Variants in ZBTB3 observed in about 807,000 individuals in gnomAD.
The protein encoded by ZBTB3 is zinc finger and BTB domain containing 3, also known as zinc finger and BTB domain-containing protein 3.
ZBTB3 carries 15 observed loss-of-function variants against 30.6 expected under a neutral mutation model. That is an observed-to-expected ratio of 0.49 (90% confidence interval 0.33 to 0.75). The LOEUF is 0.75. Ranked by LOEUF, ZBTB3 falls within the 30% of genes least tolerant of loss-of-function variation. ZBTB3 has a pLI of 0.02. For synonymous variants in ZBTB3, 258 were observed against 261.7 expected (o/e 0.99, Z 0.14); for missense variants, 599 against 652.1 (o/e 0.92, Z 0.89).
Position 62,752,037 on chromosome 11 carries a change from C to G in ZBTB3, c.*53G>C. On this transcript the variant is annotated 3_prime_UTR_variant, in exon 2 of 2. Coordinates refer to ENST00000394807, the MANE Select transcript of ZBTB3 (RefSeq NM_001370809.1). Reference sequence around the variant, plus strand: ...GGGGTGATAAGGTGCCACCAACCTTCTGAGCTGCCATCTAAGGATGGTAAG... The same window carrying G: ...GGGGTGATAAGGTGCCACCAACCTTGTGAGCTGCCATCTAAGGATGGTAAG... The G allele has an allele frequency of 4.6e-6, 7 of 1,517,230 alleles. No homozygotes were observed. Among genetic ancestry groups the G allele is most frequent in the Non-Finnish European group, 6.2e-6 (7 of 1,130,844 alleles). 94.0% of individuals were successfully genotyped at this position (1,517,230 alleles called of 1,614,324 possible).
At position 62,754,018 on chromosome 11, in the gene ZBTB3, G is replaced by A. The variant is rs1408531826; in HGVS notation, c.-106C>T. ...GAGATCTTTTTCGCTCCCAGGCCTTGCCAGGCGATGCCTCTACGCCCCACT... is the reference window on the plus strand; with the variant it reads ...GAGATCTTTTTCGCTCCCAGGCCTTACCAGGCGATGCCTCTACGCCCCACT... On this transcript the variant is annotated 5_prime_UTR_variant, in exon 1 of 2. Coordinates refer to ENST00000394807, the MANE Select transcript of ZBTB3 (RefSeq NM_001370809.1). The A allele has an allele frequency of 6.2e-7, 1 of 1,613,868 alleles. No individual in the cohort carries two copies. The highest frequency in any genetic ancestry group is 1.1e-5 in the South Asian group (1 of 91,072).
chr11:62,752,679 GCT>G lies in ZBTB3; in HGVS notation c.984_985del (p.Arg328SerfsTer20), dbSNP rs1565178732. ...ATACACTGCTCCTCCAGATGGGAAA[GCT>G]CTCTCAGGACCCTGAGGCTGTTCAT... is the stretch of plus-strand genomic sequence containing the variant. On this transcript the variant is annotated frameshift_variant, in exon 2 of 2. Coordinates refer to ENST00000394807, the MANE Select transcript of ZBTB3 (RefSeq NM_001370809.1). LOFTEE classifies it high-confidence loss of function. 6.2e-7 allele frequency: 1 copy of G among 1,614,198 alleles called. No individual in the cohort carries two copies.
In ZBTB3 at chr11:62,752,569, G is replaced by T. The variant is rs2084023776; in HGVS notation, c.1096C>A (p.Pro366Thr). The change falls in exon 2 of 2, where the codon CCA (proline) becomes ACA (threonine). Residue 366 changes from proline to threonine, a missense_variant. Pro to Thr is a conservative substitution (Grantham distance 38). Transcript: ENST00000394807. ...TGGTAGGGTAGATGAGGGTCTGTTG[G>T]CAGGAAGTGGTCACTTGGCCCCACC... is the stretch of plus-strand genomic sequence containing the variant. Reference protein sequence around the residue: ...EEVGPSDHFLPTDPHLPYHLL... With the variant: ...EEVGPSDHFLTTDPHLPYHLL... 6 of 1,614,188 alleles carry T rather than the reference G, an allele frequency of 3.7e-6. No homozygotes were observed. The highest frequency in any genetic ancestry group is 5.1e-6 in the Non-Finnish European group (6 of 1,180,042).
Position 62,752,897 on chromosome 11 carries a change from C to T in ZBTB3, c.768G>A (p.Leu256=). The change falls in exon 2 of 2, where the codon CTG becomes CTA. Residue 256 remains leucine, a synonymous_variant. Coordinates refer to ENST00000394807, the MANE Select transcript of ZBTB3 (RefSeq NM_001370809.1). ...LPSLDVGPES[L]RVVEPKDPGG... ...CAGGATCCTTTGGTTCCACCACCCTCAGACTCTCAGGACCCACATCAAGAG... is the reference window on the plus strand; with the variant it reads ...CAGGATCCTTTGGTTCCACCACCCTTAGACTCTCAGGACCCACATCAAGAG... 6.2e-7 allele frequency: 1 copy of T among 1,614,122 alleles called. No individual in the cohort carries two copies. Among genetic ancestry groups the T allele is most frequent in the Non-Finnish European group, 8.5e-7 (1 of 1,180,018 alleles).
chr11:62,753,564 T>C lies in ZBTB3; in HGVS notation c.101A>G (p.Gln34Arg). ...CDCTVMVGST[Q>R]FLAHRAVLAS... is the part of the protein sequence containing the mutation. ...CAGCACAGCCCGATGGGCCAAGAAC[T>C]GGGTACTACCCACCATCACGGTGCA... Residue 34 changes from glutamine to arginine, a missense_variant, in exon 2 of 2, where the codon CAG (glutamine) becomes CGG (arginine). Gln to Arg is a conservative substitution (Grantham distance 43). Transcript: ENST00000394807. 6.2e-7 allele frequency: 1 copy of C among 1,614,118 alleles called. No homozygotes were observed. Among genetic ancestry groups the C allele is most frequent in the South Asian group, 1.1e-5 (1 of 91,080 alleles).
chr11:62,752,218 G>C lies in ZBTB3; in HGVS notation c.1447C>G (p.Pro483Ala). The C allele has an allele frequency of 6.2e-7, 1 of 1,614,210 alleles. No individual in the cohort carries two copies. The highest frequency in any genetic ancestry group is 8.5e-7 in the Non-Finnish European group (1 of 1,180,038). ...AGAAGGGGTCCCACTTCTGGATCTG[G>C]TTTGCTGCGTTTGGCCAGGTCCTCA... ...HNEDLAKRSK[P>A]DPEVGPLLGV... The change falls in exon 2 of 2, where the codon CCA becomes GCA. Residue 483 changes from proline to alanine, a missense_variant. Coordinates refer to ENST00000394807, the MANE Select transcript of ZBTB3 (RefSeq NM_001370809.1).
rs146723418 is a variant in ZBTB3, at chr11:62,752,836, C to T, written c.829G>A (p.Ala277Thr). Residue 277 changes from alanine (A) to threonine (T), a missense_variant, in exon 2 of 2, where the codon GCC becomes ACC. Ala to Thr is a moderately conservative substitution (Grantham distance 58). Coordinates refer to ENST00000394807, the MANE Select transcript of ZBTB3 (RefSeq NM_001370809.1). ...ACAGGGGCTGGGGCTGACGTTGGGG[C>T]TGAGGCTGGGGGATAGAAGCCTTGC... ...PLQGFYPPAS[A>T]PTSAPAPVSA... The T allele has an allele frequency of 3.9e-5, 63 of 1,614,078 alleles. No homozygotes were observed. In the African/African-American group the frequency reaches 6.9e-4, roughly 18 times the overall value.
rs2084006323 is a variant in ZBTB3 at position 62,751,158 on chromosome 11, T to C, written c.*932A>G. The stretch of plus-strand genomic sequence containing the variant: ...GCTCACGCCTTTAATCCCAGCACTT[T>C]TTAAGGCCAAGGTGGGCAGATCACC... On this transcript the variant is annotated 3_prime_UTR_variant, in exon 2 of 2. Coordinates refer to ENST00000394807, the MANE Select transcript of ZBTB3 (RefSeq NM_001370809.1). The C allele has an allele frequency of 6.6e-6, 1 of 152,236 alleles. No homozygotes were observed. The highest frequency in any genetic ancestry group is 2.4e-5 in the African/African-American group (1 of 41,394). The allele number at this position is 152,236 out of a possible 1,614,324, so 9.4% of individuals were successfully genotyped here.
At position 62,751,607 on chromosome 11, in the gene ZBTB3, GC is replaced by G. The variant is rs1297202940; in HGVS notation, c.*482del. ...GCTGAAATTGCGCCACTGCACTCCA[GC>G]CTCAGTGACAGAGCAAGACTCAAAA... On this transcript the variant is annotated 3_prime_UTR_variant, in exon 2 of 2. Coordinates refer to ENST00000394807, the MANE Select transcript of ZBTB3 (RefSeq NM_001370809.1). The G allele has an allele frequency of 2.8e-5, 4 of 144,532 alleles. No individual in the cohort carries two copies. The highest frequency in any genetic ancestry group is 6.0e-5 in the Non-Finnish European group (4 of 66,684). The allele number at this position is 144,532 out of a possible 1,614,324, so 9.0% of individuals were successfully genotyped here. A position where few individuals can be genotyped will look rare whatever the true frequency, so the allele number is the denominator to read the frequency against.
At position 62,752,878 on chromosome 11, in the gene ZBTB3, C is replaced by G. The variant is rs2084028522; in HGVS notation, c.787G>C (p.Asp263His). ...AAGCCTTGCAGTGGTCCTCCAGGAT[C>G]CTTTGGTTCCACCACCCTCAGACTC... Reference protein sequence around the residue: ...PESLRVVEPKDPGGPLQGFYP... With the variant: ...PESLRVVEPKHPGGPLQGFYP... Residue 263 changes from aspartate to histidine, a missense_variant, in exon 2 of 2, where the codon GAT becomes CAT. By Grantham distance (81) the Asp-to-His change is moderately conservative (BLOSUM62 -1). Coordinates refer to ENST00000394807, the MANE Select transcript of ZBTB3 (RefSeq NM_001370809.1). 2 of 1,614,106 alleles carry G rather than the reference C, an allele frequency of 1.2e-6. No individual in the cohort carries two copies. Among genetic ancestry groups the G allele is most frequent in the African/African-American group, 1.3e-5 (1 of 75,020 alleles).
Position 62,752,034 on chromosome 11 carries a change from C to A in ZBTB3, c.*56G>T. ...GCAGGGGTGATAAGGTGCCACCAACCTTCTGAGCTGCCATCTAAGGATGGT... is the reference window on the plus strand; with the variant it reads ...GCAGGGGTGATAAGGTGCCACCAACATTCTGAGCTGCCATCTAAGGATGGT... On this transcript the variant is annotated 3_prime_UTR_variant, in exon 2 of 2. Transcript: ENST00000394807. The A allele has an allele frequency of 6.6e-7, 1 of 1,513,532 alleles. No individual in the cohort carries two copies. The highest frequency in any genetic ancestry group is 1.3e-5 in the South Asian group (1 of 77,096). 93.8% of individuals were successfully genotyped at this position (1,513,532 alleles called of 1,614,324 possible). A position where few individuals can be genotyped will look rare whatever the true frequency, so the allele number is the denominator to read the frequency against.
rs1384709579 is a variant in ZBTB3, at chr11:62,751,366, G to C, written c.*724C>G. The C allele has an allele frequency of 6.6e-6, 1 of 152,020 alleles. No homozygotes were observed. Among genetic ancestry groups the C allele is most frequent in the African/African-American group, 2.4e-5 (1 of 41,350 alleles). 9.4% of individuals were successfully genotyped at this position (152,020 alleles called of 1,614,324 possible). A position where few individuals can be genotyped will look rare whatever the true frequency, so the allele number is the denominator to read the frequency against. On this transcript the variant is annotated 3_prime_UTR_variant, in exon 2 of 2. Coordinates refer to ENST00000394807, the MANE Select transcript of ZBTB3 (RefSeq NM_001370809.1). ...AGCCTGTAATCCCAGCACTTTGGGA[G>C]GCTGAGGCGGGTGGATCACGAGGTC...
chr11:62,753,998 C>G lies in ZBTB3; in HGVS notation c.-86G>C. On this transcript the variant is annotated 5_prime_UTR_variant, in exon 1 of 2. Coordinates refer to ENST00000394807, the MANE Select transcript of ZBTB3 (RefSeq NM_001370809.1). ...TCCAACGGCTCCACGAAGTAGAGATCTTTTTCGCTCCCAGGCCTTGCCAGG... is the reference window on the plus strand; with the variant it reads ...TCCAACGGCTCCACGAAGTAGAGATGTTTTTCGCTCCCAGGCCTTGCCAGG... The G allele has an allele frequency of 1.2e-6, 2 of 1,613,852 alleles. No individual in the cohort carries two copies. The highest frequency in any genetic ancestry group is 2.2e-5 in the South Asian group (2 of 91,058).
rs763373327 is a variant in ZBTB3, at chr11:62,753,604, C to G, written c.61G>C (p.Gly21Arg). Residue 21 changes from glycine to arginine, a missense_variant, in exon 2 of 2, where the codon GGT becomes CGT. Physicochemically the swap from Gly to Arg is moderately radical, Grantham distance 125. Transcript: ENST00000394807. The part of the protein sequence containing the change: ...LQSLREQRSQ[G>R]FLCDCTVMVG... The stretch of plus-strand genomic sequence containing the variant: ...ATCACGGTGCAGTCACAAAGGAAAC[C>G]CTGGGACCGCTGCTCCCGGAGGCTC... The G allele has an allele frequency of 1.9e-6, 3 of 1,613,956 alleles. No homozygotes were observed. The highest frequency in any genetic ancestry group is 1.7e-6 in the Non-Finnish European group (2 of 1,179,970).
rs976057937 is a variant in ZBTB3, at chr11:62,752,189, C to A, written c.1476G>T (p.Gly492=). ...TTGGGGAGCCAGGGAGAGGCTGCAC[C>A]CCTAGAAGGGGTCCCACTTCTGGAT... is the stretch of plus-strand genomic sequence containing the variant. ...KPDPEVGPLL[G]VQPLPGSPTA... The change falls in exon 2 of 2, where the codon GGG becomes GGT. Residue 492 remains glycine (G), a synonymous_variant. Transcript: ENST00000394807. 5 of 1,613,970 alleles carry A rather than the reference C, an allele frequency of 3.1e-6. No homozygotes were observed. The African/African-American group carries it at 5.3e-5, about 17-fold the overall frequency.
At position 62,752,033 on chromosome 11, in the gene ZBTB3, C is replaced by T. The variant is rs1051888072; in HGVS notation, c.*57G>A. On this transcript the variant is annotated 3_prime_UTR_variant, in exon 2 of 2. Transcript: ENST00000394807. Reference sequence around the variant, plus strand: ...AGCAGGGGTGATAAGGTGCCACCAACCTTCTGAGCTGCCATCTAAGGATGG... The same window carrying T: ...AGCAGGGGTGATAAGGTGCCACCAATCTTCTGAGCTGCCATCTAAGGATGG... 2 of 1,507,442 alleles carry T rather than the reference C, an allele frequency of 1.3e-6. No individual in the cohort carries two copies. Among genetic ancestry groups the T allele is most frequent in the African/African-American group, 2.8e-5 (2 of 71,790 alleles). 93.4% of individuals were successfully genotyped at this position (1,507,442 alleles called of 1,614,324 possible).
Position 62,752,939 on chromosome 11 carries a change from T to G in ZBTB3, c.726A>C (p.Ser242=). ...CATCAAGAGATGGCAGTGGCTCCAATGAAACTGCTGAGATGCCAGAAGAGA... is the reference window on the plus strand; with the variant it reads ...CATCAAGAGATGGCAGTGGCTCCAAGGAAACTGCTGAGATGCCAGAAGAGA... ...NYFSSGISAV[S]LEPLPSLDVG... is the part of the protein sequence containing the mutation. Residue 242 remains serine, a synonymous_variant, in exon 2 of 2, where the codon TCA becomes TCC. Coordinates refer to ENST00000394807, the MANE Select transcript of ZBTB3 (RefSeq NM_001370809.1). 1 of 1,614,060 alleles carries G rather than the reference T, an allele frequency of 6.2e-7. No individual in the cohort carries two copies. Among genetic ancestry groups the G allele is most frequent in the African/African-American group, 1.3e-5 (1 of 75,008 alleles).
Position 62,754,103 on chromosome 11 carries a change from G to T in ZBTB3, c.-191C>A, listed in dbSNP as rs758345300. On this transcript the variant is annotated 5_prime_UTR_variant, in exon 1 of 2. Transcript: ENST00000394807. The stretch of plus-strand genomic sequence containing the variant: ...CAGGGGCTAAGGACTACCAGGGTGG[G>T]AACTAGCGGAGAAAGCTGATACCTC... 18 of 1,598,934 alleles carry T rather than the reference G, an allele frequency of 1.1e-5. No homozygotes were observed. The highest frequency in any genetic ancestry group is 1.7e-5 in the Admixed American group (1 of 59,924).
chr11:62,752,014 G>T lies in ZBTB3; in HGVS notation c.*76C>A. 1 of 1,393,976 alleles carries T rather than the reference G, an allele frequency of 7.2e-7. No homozygotes were observed. Among genetic ancestry groups the T allele is most frequent in the Non-Finnish European group, 9.7e-7 (1 of 1,029,736 alleles). 86.4% of individuals were successfully genotyped at this position (1,393,976 alleles called of 1,614,324 possible). ...GCCTTTATTCTTGTCACCCAGCAGG[G>T]GTGATAAGGTGCCACCAACCTTCTG... is the stretch of plus-strand genomic sequence containing the variant. On this transcript the variant is annotated 3_prime_UTR_variant, in exon 2 of 2. Transcript: ENST00000394807.
Sources: allele counts gnomAD v4.1 joint callset, GRCh38; gene constraint gnomAD v4.1.1; transcripts MANE v1.5; gene names NCBI Gene and HGNC (gene_info 2026-07-23, HGNC 2026-07-21).